The following ALDOA variants were observed in gnomAD, a reference collection of about 807,000 sequenced individuals.
The protein encoded by ALDOA is aldolase, fructose-bisphosphate A.
In ALDOA, 26 loss-of-function variants were observed where a neutral mutation model predicts 43.9. That is an observed-to-expected ratio of 0.59 (90% CI 0.43 to 0.82). The LOEUF is 0.82. Among genes scored for constraint, ALDOA ranks in the 40% least tolerant of loss-of-function variants. ALDOA has a pLI of 0.00. For missense variants in ALDOA, 498 were observed against 549.5 expected (o/e 0.91, Z 0.94); for synonymous variants, 258 against 222.6 (o/e 1.16, Z -1.42).
intron 6 of ALDOA, 111 bp downstream of exon 6, chr16:30,069,089 T>C (rs753398606): frequency 9.1e-6 from 14 of 1,544,158 alleles, no homozygotes; most frequent in Non-Finnish European, 1.2e-5. Flanking sequence ...AGCATTAGCT[T>C]TGGCCCGTGG....
chr16:30,066,232 G>C (rs2072098490), intron 1 of ALDOA: 1 of 152,342 alleles, frequency 6.6e-6, no homozygotes. Context: ...GGGATCCTAA[G>C]AGGCAGTGAG....
At position 30,069,836 on chromosome 16, in the gene ALDOA, C is replaced by A; in HGVS notation, c.968C>A (p.Thr323Asn). The A allele has an allele frequency of 6.2e-7, 1 of 1,614,146 alleles. No homozygotes were observed. Among genetic ancestry groups the A allele is most frequent in the Non-Finnish European group, 8.5e-7 (1 of 1,180,024 alleles). The stretch of plus-strand genomic sequence containing the variant: ...CCTCACCCCTGCTCTACAGGGATCA[C>A]CTTCCTGTCTGGAGGCCAGAGTGAG... ...RTVPPAVTGI[T>N]FLSGGQSEEE... is the part of the protein sequence containing the mutation. The change falls in exon 9 of 10, where the codon ACC becomes AAC. Residue 323 changes from threonine to asparagine, a missense_variant. Thr to Asn is a moderately conservative substitution (Grantham distance 65, BLOSUM62 0). Transcript: ENST00000642816.
rs778572895 is a variant in ALDOA, at chr16:30,070,126, C to T, written c.1171C>T (p.Leu391Phe). ...EYVKRALANSLACQGKYTPSG... is the reference protein window; with the variant it reads ...EYVKRALANSFACQGKYTPSG... The stretch of plus-strand genomic sequence containing the variant: ...CCCTCTCCCTGCTTAGGCCAACAGC[C>T]TTGCCTGTCAAGGAAAGTACACTCC... Residue 391 changes from leucine (L) to phenylalanine (F), a missense_variant, in exon 10 of 10, where the codon CTT (leucine) becomes TTT (phenylalanine). By Grantham distance (22) the Leu-to-Phe change is conservative. Coordinates refer to ENST00000642816, the MANE Select transcript of ALDOA (RefSeq NM_001243177.4). The T allele has an allele frequency of 1.9e-6, 3 of 1,613,956 alleles. No individual in the cohort carries two copies. In the African/African-American group the frequency reaches 4.0e-5, roughly 22 times the overall value.
At chr16:30,065,741 C>T (rs2072074934), upstream of ALDOA, 1 of 152,512 alleles carries the variant, frequency 6.6e-6, no homozygotes, top group Admixed American at 6.5e-5. Context: ...TTTAAAAGGC[C>T]GGGCGCCGCC....
Position 30,066,966 on chromosome 16 carries a change from C to G in ALDOA, c.69C>G (p.Ser23=). 4 of 1,552,966 alleles carry G rather than the reference C, an allele frequency of 2.6e-6. No homozygotes were observed. The highest frequency in any genetic ancestry group is 3.5e-6 in the Non-Finnish European group (4 of 1,148,478). ...MTHLSMAMAF[S]FPPVASGQLH... is the part of the protein sequence containing the mutation. ...ACCTGTCCATGGCTATGGCCTTTTC[C>G]TTTCCCCCAGTTGCCAGTGGGCAAC... The change falls in exon 2 of 10, where the codon TCC becomes TCG. Residue 23 remains serine (S), a synonymous_variant. Coordinates refer to ENST00000642816, the MANE Select transcript of ALDOA (RefSeq NM_001243177.4).
chr16:30,069,703 GCA>G (rs748910173), intron 8 of ALDOA, 30 bp downstream of exon 8: 3 of 1,612,686 alleles, frequency 1.9e-6, no homozygotes, highest in Non-Finnish European at 2.5e-6. Context: ...TGATCTCTAT[GCA>G]GTAGATAAGC....
At position 30,067,034 on chromosome 16, in the gene ALDOA, G is replaced by T. The variant is rs1482641654; in HGVS notation, c.137G>T (p.Gly46Val). The change falls in exon 2 of 10, where the codon GGA (glycine) becomes GTA (valine). Residue 46 changes from glycine (G) to valine (V), a missense_variant. Gly to Val is a moderately radical substitution (Grantham distance 109). Coordinates refer to ENST00000642816, the MANE Select transcript of ALDOA (RefSeq NM_001243177.4). ...AACACCCAGCACCAGACAGAGTTAG[G>T]AAAGGTACAGGGGCAGGCCTAGCAA... ...LGNTQHQTEL[G>V]KELATTSTMP... The T allele has an allele frequency of 6.3e-7, 1 of 1,578,308 alleles. No homozygotes were observed. The highest frequency in any genetic ancestry group is 8.6e-7 in the Non-Finnish European group (1 of 1,163,080).
Position 30,068,723 on chromosome 16 carries a change from C to A in ALDOA, c.541+23C>A, listed in dbSNP as rs1375603361. ...AAGGTGAGAACTGTTTGATTCTCTG[C>A]CCTACGAACCCAACCAGAGCAGGTT... On this transcript the variant is annotated intron_variant, in intron 5 of 9. Transcript: ENST00000642816. 3 of 1,614,236 alleles carry A rather than the reference C, an allele frequency of 1.9e-6. No individual in the cohort carries two copies. The Admixed American group carries it at 5.0e-5, about 27-fold the overall frequency.
At position 30,070,294 on chromosome 16, in the gene ALDOA, T is replaced by C; in HGVS notation, c.*82T>C. ...GAAGAGGAGGCCGCCTCCTCGGGGC[T>C]CCAGGCTGGCTTGCCCGCGCTCTTT... On this transcript the variant is annotated 3_prime_UTR_variant, in exon 10 of 10. Coordinates refer to ENST00000642816, the MANE Select transcript of ALDOA (RefSeq NM_001243177.4). 2.1e-6 allele frequency: 3 copies of C among 1,416,254 alleles called. No individual in the cohort carries two copies. The highest frequency in any genetic ancestry group is 2.3e-5 in the South Asian group (2 of 86,292). 87.7% of individuals were successfully genotyped at this position (1,416,254 alleles called of 1,614,324 possible). A position where few individuals can be genotyped will look rare whatever the true frequency, so the allele number is the denominator to read the frequency against.
chr16:30,066,265 A>C (rs2151014057), intron 1 of ALDOA: 2 of 152,420 alleles, frequency 1.3e-5, no homozygotes, highest in Admixed American at 1.3e-4. Flanking sequence ...GCCCATGTAC[A>C]GCCCCAGGGT....
upstream of ALDOA, chr16:30,064,347 G>A: frequency 2.5e-6 from 1 of 398,786 alleles, no homozygotes; most frequent in Non-Finnish European, 4.4e-6. Context: ...AGGGAGGAGG[G>A]AGATTAGAGA....
In ALDOA at chr16:30,070,014, T is replaced by C. The variant is rs1596816892; in HGVS notation, c.1146T>C (p.Tyr382=). Residue 382 remains tyrosine, a synonymous_variant, in exon 9 of 10, where the codon TAT becomes TAC. Transcript: ENST00000642816. ...KENLKAAQEE[Y]VKRALANSLA... ...ACCTGAAGGCTGCGCAGGAGGAGTA[T>C]GTCAAGCGAGCCCTGGTAAGGATAG... The C allele has an allele frequency of 6.2e-7, 1 of 1,613,716 alleles. No homozygotes were observed. The highest frequency in any genetic ancestry group is 8.5e-7 in the Non-Finnish European group (1 of 1,179,998).
At position 30,067,116 on chromosome 16, in the gene ALDOA, G is replaced by A. The variant is rs565677087; in HGVS notation, c.141+78G>A. Reference sequence around the variant, plus strand: ...CCAGAAGTGCCCCAGGGCCTGCTGGGTGTGGGGCAGGGGAGGTAGGGAACA... The same window carrying A: ...CCAGAAGTGCCCCAGGGCCTGCTGGATGTGGGGCAGGGGAGGTAGGGAACA... On this transcript the variant is annotated intron_variant, in intron 2 of 9. Transcript: ENST00000642816. The A allele has an allele frequency of 5.1e-5, 80 of 1,573,302 alleles. 1 individual carries two copies. The East Asian group carries it at 9.2e-4, about 18-fold the overall frequency.
rs2072126401 is a variant in ALDOA, at chr16:30,066,892, G to A, written c.-6G>A. ...GTTCGGTTTTGTTTTCAGGCAAGGT[G>A]ACCCCATGGCAAGGCGCAAGCCAGA... On this transcript the variant is annotated 5_prime_UTR_variant, in exon 2 of 10. Transcript: ENST00000642816. 1 of 1,548,786 alleles carries A rather than the reference G, an allele frequency of 6.5e-7. No individual in the cohort carries two copies. The highest frequency in any genetic ancestry group is 8.7e-7 in the Non-Finnish European group (1 of 1,145,800).
rs759432221 is a variant in ALDOA at position 30,068,659 on chromosome 16, T to C, written c.500T>C (p.Val167Ala). ...TGACCCCAACAGGTAGACAAGGGCG[T>C]GGTCCCCCTGGCAGGGACAAATGGC... ...GVVGIKVDKG[V>A]VPLAGTNGET... Residue 167 changes from valine (V) to alanine (A), a missense_variant, in exon 5 of 10, where the codon GTG becomes GCG. Transcript: ENST00000642816. 1.2e-6 allele frequency: 2 copies of C among 1,614,170 alleles called. No homozygotes were observed. Among genetic ancestry groups the C allele is most frequent in the South Asian group, 1.1e-5 (1 of 91,084 alleles).
In ALDOA at chr16:30,067,439, G is replaced by C. The variant is rs942450539; in HGVS notation, c.275-11G>C. The C allele has an allele frequency of 3.1e-6, 5 of 1,613,358 alleles. No homozygotes were observed. Among genetic ancestry groups the C allele is most frequent in the Admixed American group, 3.3e-5 (2 of 59,964 alleles). ...CAGGCTGATCCCCTAATTCCCATGT[G>C]ACACTCCCAGGGAGCATTGCCAAGC... On this transcript the variant is annotated splice_polypyrimidine_tract_variant and intron_variant, in intron 3 of 9. Transcript: ENST00000642816.
Position 30,068,646 on chromosome 16 carries a change from G to T in ALDOA, c.487G>T (p.Val163Leu), listed in dbSNP as rs1360998512. 6.2e-7 allele frequency: 1 copy of T among 1,614,200 alleles called. No individual in the cohort carries two copies. Among genetic ancestry groups the T allele is most frequent in the South Asian group, 1.1e-5 (1 of 91,090 alleles). The change falls in exon 5 of 10, where the codon GTA (valine) becomes TTA (leucine). Residue 163 changes from valine to leucine, a missense_variant and splice_region_variant. Val to Leu is a conservative substitution (Grantham distance 32). Coordinates refer to ENST00000642816, the MANE Select transcript of ALDOA (RefSeq NM_001243177.4). ...AATGTTGTTACCCTGACCCCAACAG[G>T]TAGACAAGGGCGTGGTCCCCCTGGC... ...KSKGGVVGIKVDKGVVPLAGT... is the reference protein window; with the variant it reads ...KSKGGVVGIKLDKGVVPLAGT...
chr16:30,070,121 A>G lies in ALDOA; in HGVS notation c.1166A>G (p.Asn389Ser), dbSNP rs369551047. The G allele has an allele frequency of 5.0e-6, 8 of 1,614,022 alleles. No homozygotes were observed. The highest frequency in any genetic ancestry group is 3.3e-4 in the Middle Eastern group (2 of 6,062). ...QEEYVKRALA[N>S]SLACQGKYTP... ...TCCACCCCTCTCCCTGCTTAGGCCA[A>G]CAGCCTTGCCTGTCAAGGAAAGTAC... The change falls in exon 10 of 10, where the codon AAC becomes AGC. Residue 389 changes from asparagine (N) to serine (S), a missense_variant. Asn to Ser is a conservative substitution (Grantham distance 46, BLOSUM62 1). Coordinates refer to ENST00000642816, the MANE Select transcript of ALDOA (RefSeq NM_001243177.4).
chr16:30,070,333 A>G lies in ALDOA; in HGVS notation c.*121A>G, dbSNP rs1053206612. The G allele has an allele frequency of 2.8e-5, 25 of 898,768 alleles. No homozygotes were observed. Among genetic ancestry groups the G allele is most frequent in the South Asian group, 1.2e-4 (9 of 72,276 alleles). 55.7% of individuals were successfully genotyped at this position (898,768 alleles called of 1,614,324 possible). Reference sequence around the variant, plus strand: ...CCCGCGCTCTTTCTTCCCTCGTGACAGTGGTGTGTGGTGTCGTCTGTGAAT... The same window carrying G: ...CCCGCGCTCTTTCTTCCCTCGTGACGGTGGTGTGTGGTGTCGTCTGTGAAT... On this transcript the variant is annotated 3_prime_UTR_variant, in exon 10 of 10. Transcript: ENST00000642816.
Sources: gnomAD v4.1 joint callset for allele counts on GRCh38, gnomAD v4.1.1 for gene constraint, MANE v1.5 for transcripts, NCBI Gene and HGNC (gene_info 2026-07-23, HGNC 2026-07-21) for gene names.